The following CCSER2 variants were observed in gnomAD, a reference collection of about 807,000 sequenced individuals.
CCSER2 encodes serine-rich coiled-coil domain-containing protein 2.
A neutral mutation model predicts 92.3 loss-of-function variants in CCSER2; 46 were observed. The observed-to-expected ratio is 0.50, with a 90% confidence interval of 0.39 to 0.64. The LOEUF is 0.64. Ranked by LOEUF, CCSER2 falls within the 30% of genes least tolerant of loss-of-function variation. The pLI, the probability that CCSER2 is intolerant of heterozygous loss-of-function variation, is 0.00. For missense variants in CCSER2, 1,244 were observed against 1,238.9 expected (o/e 1.00, Z -0.06); for synonymous variants, 433 against 431.4 (o/e 1.00, Z -0.04).
At chr10:84,337,911 G>A (rs1003931020) in intron 1 of CCSER2, among the ~76,000 whole-genome samples, 10 of 152,252 alleles carry the variant, frequency 6.6e-5, no homozygotes, top group South Asian at 2.1e-4. Context: ...AGTTGGTTAT[G>A]TATTTGTTAA....
intron 3 of CCSER2, among the ~76,000 whole-genome samples, chr10:84,415,979 A>G (rs944878956): frequency 2.0e-5 from 3 of 152,168 alleles, no homozygotes; most frequent in African/African-American, 7.2e-5. Context: ...CCTTGCTGGT[A>G]ATCCCGGGGG....
chr10:84,461,620 T>G (rs1177465616), intron 6 of CCSER2, among the ~76,000 whole-genome samples: 1 of 152,048 alleles, frequency 6.6e-6, no homozygotes. Context: ...TTGACTCTTT[T>G]CAGGTCTAAA....
intron 3 of CCSER2, among the ~76,000 whole-genome samples, chr10:84,392,994 C>A (rs1427098214): frequency 1.3e-5 from 2 of 152,122 alleles, no homozygotes; most frequent in African/African-American, 4.8e-5. Flanking sequence ...GCTTGCATCA[C>A]ATAGAGTGAG....
chr10:84,359,296 A>G (rs1243522390), intron 1 of CCSER2, among the ~76,000 whole-genome samples: 1 of 152,194 alleles, frequency 6.6e-6, no homozygotes, highest in East Asian at 1.9e-4. Context: ...TGAAGGGTCC[A>G]TTGTATCTGG....
chr10:84,382,584 C>T (rs1453568091), intron 3 of CCSER2, among the ~76,000 whole-genome samples: 1 of 152,188 alleles, frequency 6.6e-6, no homozygotes, highest in East Asian at 1.9e-4. Context: ...TAGGACAATA[C>T]AAGAGCTCTC....
At chr10:84,444,143 TAATA>T (rs1844761736) in intron 6 of CCSER2, among the ~76,000 whole-genome samples, 1 of 150,986 alleles carries the variant, frequency 6.6e-6, no homozygotes, top group Non-Finnish European at 1.5e-5. Context: ...AGTATAATAA[TAATA>T]AAAAAAAAAT....
intron 1 of CCSER2, among the ~76,000 whole-genome samples, chr10:84,343,783 G>C (rs1339376199): frequency 6.6e-6 from 1 of 152,142 alleles, no homozygotes; most frequent in Non-Finnish European, 1.5e-5. Context: ...TTTTATTAAT[G>C]GGCTAGAAAA....
intron 6 of CCSER2, among the ~76,000 whole-genome samples, chr10:84,462,374 G>A (rs1846150071): frequency 6.6e-6 from 1 of 152,106 alleles, no homozygotes; most frequent in South Asian, 2.1e-4. Context: ...TATTCCTTGG[G>A]GTTCCTGCAT....
intron 4 of CCSER2, among the ~76,000 whole-genome samples, chr10:84,424,190 A>G (rs1019192299): frequency 2.0e-5 from 3 of 151,396 alleles, no homozygotes; most frequent in African/African-American, 4.9e-5. Flanking sequence ...ATTACTTTAA[A>G]TTTTCTTTTG....
At chr10:84,420,879 G>T (rs1843110618) in intron 4 of CCSER2, among the ~76,000 whole-genome samples, 2 of 146,060 alleles carry the variant, frequency 1.4e-5, no homozygotes, top group South Asian at 4.3e-4. Context: ...ATTGCAATGA[G>T]CCGAGATCAC....
intron 5 of CCSER2, among the ~76,000 whole-genome samples, chr10:84,436,933 G>A (rs923342115): frequency 1.3e-5 from 2 of 151,978 alleles, no homozygotes; most frequent in African/African-American, 4.8e-5. Context: ...ATATTTCTAC[G>A]TTTTCAATAT....
At chr10:84,428,571 CT>C (rs1286983998) in intron 5 of CCSER2, among the ~76,000 whole-genome samples, 1 of 152,138 alleles carries the variant, frequency 6.6e-6, no homozygotes, top group African/African-American at 2.4e-5. Context: ...TAGTTTTTAC[CT>C]TTTCCTTTCC....
chr10:84,452,097 C>G (rs932382947), intron 6 of CCSER2: 7 of 152,210 alleles, frequency 4.6e-5, no homozygotes, highest in South Asian at 2.1e-4. Context: ...CCTCTGCTCC[C>G]TTTCCTAGGA....
rs151198344 is a variant in CCSER2 at position 84,380,410 on chromosome 10, C to A, written c.1614+6595C>A. Among the ~76,000 whole-genome samples the A allele has an allele frequency of 1.1e-4, 16 of 152,098 alleles. No homozygotes were observed. In the East Asian group the frequency reaches 2.7e-3, roughly 26 times the overall value. On this transcript the variant is annotated intron_variant, in intron 3 of 9. Coordinates refer to ENST00000372088, the MANE Select transcript of CCSER2 (RefSeq NM_001284240.2). ...ATGTGTTGCAGTAATCTTCTCTGAG[C>A]CTGTTGCTTCTGTTTTGTTTTTTGT...
chr10:84,365,185 A>G (rs143022085), intron 1 of CCSER2, among the ~76,000 whole-genome samples: 118 of 152,326 alleles, frequency 7.7e-4, no homozygotes, highest in African/African-American at 2.7e-3. Flanking sequence ...ATTAAAGCTC[A>G]CAGATGGTAT....
chr10:84,434,224 T>A (rs989375261), intron 5 of CCSER2, among the ~76,000 whole-genome samples: 1 of 152,180 alleles, frequency 6.6e-6, no homozygotes, highest in Non-Finnish European at 1.5e-5. Flanking sequence ...CCTCCCATTC[T>A]GAGATTTATT....
intron 1 of CCSER2, among the ~76,000 whole-genome samples, chr10:84,333,588 T>A (rs993270664): frequency 3.3e-5 from 5 of 152,266 alleles, no homozygotes; most frequent in Admixed American, 2.6e-4. Flanking sequence ...AGCAAGGGGA[T>A]GATATGGTAT....
At chr10:84,410,093 C>T (rs1842575118) in intron 3 of CCSER2, among the ~76,000 whole-genome samples, 4 of 152,136 alleles carry the variant, frequency 2.6e-5, no homozygotes, top group Admixed American at 1.3e-4. Context: ...GACATGATCT[C>T]ATTCCATTTT....
intron 1 of CCSER2, among the ~76,000 whole-genome samples, chr10:84,335,226 CTCTTTTTTTT>C (rs1176857757): frequency 6.3e-5 from 6 of 95,056 alleles, no homozygotes; most frequent in Non-Finnish European, 1.1e-4. Flanking sequence ...TTCTCTCTCT[CTCTTTTTTTT>C]TTTTTTTTTT....
Sources: gnomAD v4.1 joint callset for allele counts (sites outside exome capture counted in the v4.1 genomes callset) on GRCh38, gnomAD v4.1.1 for gene constraint, MANE v1.5 for transcripts, NCBI Gene and HGNC (gene_info 2026-07-23, HGNC 2026-07-21) for gene names.